The following ABCG2 variants were observed in gnomAD, a reference collection of about 807,000 sequenced individuals.
ABCG2 encodes ATP binding cassette subfamily G member 2 (JR blood group).
ABCG2 carries 80 observed loss-of-function variants against 73.5 expected under a neutral mutation model. The observed-to-expected ratio is 1.09, with a 90% CI of 0.91 to 1.31. The LOEUF is 1.31. Ranked by LOEUF, ABCG2 falls within the 50% of genes most tolerant of loss-of-function variation. The probability of loss-of-function intolerance (pLI) is 0.00; values close to 1 mark genes in which losing one functional copy is unlikely to be tolerated. For missense variants in ABCG2, 796 were observed against 786.2 expected (o/e 1.01, Z -0.15); for synonymous variants, 269 against 282.4 (o/e 0.95, Z 0.48).
intron 1 of ABCG2, among the ~76,000 whole-genome samples, chr4:88,202,655 AC>A (rs1263793764): frequency 2.6e-5 from 4 of 151,542 alleles, no homozygotes; most frequent in Non-Finnish European, 5.9e-5. Context: ...CCATGGCTCC[AC>A]CCCGTTCTCC....
At chr4:88,094,457 A>G (rs550438500) in intron 15 of ABCG2, 120 bp downstream of exon 15, 2 of 767,314 alleles carry the variant, frequency 2.6e-6, no homozygotes, top group African/African-American at 3.5e-5. Flanking sequence ...GGATGAGAAA[A>G]CGTAGGCTCG....
chr4:88,177,034 G>A (rs929517342), intron 1 of ABCG2, among the ~76,000 whole-genome samples: 1 of 152,008 alleles, frequency 6.6e-6, no homozygotes, highest in Admixed American at 6.6e-5. Flanking sequence ...AAAGAGCTAT[G>A]GAAAAGAGAA....
At chr4:88,159,360 G>C, upstream of ABCG2, 2 of 374,966 alleles carry the variant, frequency 5.3e-6, no homozygotes, top group South Asian at 3.9e-5. Flanking sequence ...GAAAGTGGAT[G>C]CTTGCGCCCC....
At chr4:88,103,864 TTC>T (rs1227989900) in intron 10 of ABCG2, among the ~76,000 whole-genome samples, 2 of 152,248 alleles carry the variant, frequency 1.3e-5, no homozygotes, top group Non-Finnish European at 2.9e-5. Context: ...TGGCATAATA[TTC>T]TCCAATTACA....
intron 1 of ABCG2, among the ~76,000 whole-genome samples, chr4:88,197,454 A>G (rs1728981116): frequency 6.6e-6 from 1 of 151,176 alleles, no homozygotes; most frequent in Non-Finnish European, 1.5e-5. Flanking sequence ...TGTCTCTACA[A>G]AAAATACATA....
intron 14 of ABCG2, 75 bp from the exon 15 acceptor site, chr4:88,094,734 A>G: frequency 9.0e-7 from 1 of 1,112,980 alleles, no homozygotes; most frequent in Non-Finnish European, 1.4e-6. Flanking sequence ...TATCACAATC[A>G]TGCCCTCTGA....
chr4:88,165,972 C>G (rs1727503714), intron 1 of ABCG2, among the ~76,000 whole-genome samples: 1 of 152,110 alleles, frequency 6.6e-6, no homozygotes, highest in African/African-American at 2.4e-5. Context: ...CATTCACATT[C>G]TAGGGAATAA....
chr4:88,147,017 G>GAAAGAAAGAAAGAA (rs1726079245), intron 1 of ABCG2, among the ~76,000 whole-genome samples: 1 of 26,950 alleles, frequency 3.7e-5, no homozygotes, highest in Admixed American at 3.2e-4. Flanking sequence ...GAAAGAAAAG[G>GAAAGAAAGAAAGAA]AAAGAAAGAA....
chr4:88,149,618 G>A (rs545823394), intron 1 of ABCG2, among the ~76,000 whole-genome samples: 1 of 152,242 alleles, frequency 6.6e-6, no homozygotes, highest in South Asian at 2.1e-4. Flanking sequence ...TTGGGAGGCC[G>A]AGGCAGGCGG....
intron 1 of ABCG2, among the ~76,000 whole-genome samples, chr4:88,218,115 C>T (rs1372439719): frequency 2.6e-5 from 4 of 152,098 alleles, no homozygotes; most frequent in Non-Finnish European, 1.5e-5. Context: ...ATACTTTCCT[C>T]CCAGATGATA....
At chr4:88,201,142 C>T (rs1578273944) in intron 1 of ABCG2, among the ~76,000 whole-genome samples, 1 of 97,328 alleles carries the variant, frequency 1.0e-5, no homozygotes, top group East Asian at 2.7e-4. Context: ...AGAAAATTAA[C>T]AAAAAAACAA....
At chr4:88,150,713 T>C (rs945685057) in intron 1 of ABCG2, among the ~76,000 whole-genome samples, 8 of 152,218 alleles carry the variant, frequency 5.3e-5, no homozygotes, top group African/African-American at 1.9e-4. Context: ...CTAATTTGTG[T>C]TGGGCTTCAT....
intron 1 of ABCG2, among the ~76,000 whole-genome samples, chr4:88,221,895 A>G (rs1451456833): frequency 6.6e-6 from 1 of 152,272 alleles, no homozygotes; most frequent in Non-Finnish European, 1.5e-5. Context: ...AGAAATTTGC[A>G]TAAGTAACAA....
At chr4:88,108,050 T>C (rs1400635658) in intron 9 of ABCG2, among the ~76,000 whole-genome samples, 1 of 152,190 alleles carries the variant, frequency 6.6e-6, no homozygotes, top group East Asian at 1.9e-4. Flanking sequence ...TCACCTATCT[T>C]CACCACTCAA....
At chr4:88,151,289 C>T (rs1438852784) in intron 1 of ABCG2, among the ~76,000 whole-genome samples, 3 of 152,174 alleles carry the variant, frequency 2.0e-5, no homozygotes, top group Admixed American at 1.3e-4. Flanking sequence ...GAAACAAAAT[C>T]AAGTTGAGTG....
At chr4:88,175,385 G>C (rs780293521) in intron 1 of ABCG2, among the ~76,000 whole-genome samples, 2 of 152,088 alleles carry the variant, frequency 1.3e-5, no homozygotes, top group Admixed American at 6.6e-5. Flanking sequence ...TATTTCATTA[G>C]GGGTTACAAA....
chr4:88,131,010 G>A (rs750504592), intron 5 of ABCG2, 51 bp downstream of exon 5: 2 of 1,595,214 alleles, frequency 1.3e-6, no homozygotes, highest in African/African-American at 2.7e-5. Context: ...TATCCACACA[G>A]GGAAAGTCCT....
intron 2 of ABCG2, among the ~76,000 whole-genome samples, chr4:88,135,358 T>C (rs1414582863): frequency 2.0e-5 from 3 of 152,250 alleles, no homozygotes; most frequent in Non-Finnish European, 2.9e-5. Flanking sequence ...TACAGCACAG[T>C]TGTTGTAAAC....
intron 2 of ABCG2, among the ~76,000 whole-genome samples, chr4:88,137,793 T>C (rs1264344330): frequency 6.6e-6 from 1 of 152,186 alleles, no homozygotes; most frequent in Non-Finnish European, 1.5e-5. Flanking sequence ...GACAAAGTGA[T>C]GAGAACAAAT....
Sources: allele counts gnomAD v4.1 joint callset (sites outside exome capture counted in the v4.1 genomes callset), GRCh38; gene constraint gnomAD v4.1.1; transcripts MANE v1.5; gene names NCBI Gene and HGNC (gene_info 2026-07-23, HGNC 2026-07-21).